The following ITSN1 variants were observed in gnomAD, a reference collection of about 807,000 sequenced individuals.
The protein encoded by ITSN1 is intersectin-1.
A neutral mutation model predicts 239.8 loss-of-function variants in ITSN1; 58 were observed. The ratio of observed to expected loss-of-function variants is 0.24; its 90% confidence interval spans 0.20 to 0.30. The LOEUF is 0.30. Ranked by LOEUF, ITSN1 falls within the 10% of genes least tolerant of loss-of-function variation. The pLI, the probability that ITSN1 is intolerant of heterozygous loss-of-function variation, is 1.00. For missense variants in ITSN1, 1,558 were observed against 2,103.3 expected (o/e 0.74, Z 5.07); for synonymous variants, 780 against 770.8 (o/e 1.01, Z -0.20).
chr21:33,798,391 T>C (rs2071726959), intron 18 of ITSN1, among the ~76,000 whole-genome samples: 1 of 151,966 alleles, frequency 6.6e-6, no homozygotes, highest in Non-Finnish European at 1.5e-5. Context: ...TGAGCCACCA[T>C]GCCTAGCCTA....
At position 33,856,875 on chromosome 21, in the gene ITSN1, G is replaced by A. The variant is rs1284395543; in HGVS notation, c.3783+18G>A. ...TCACAGAGGTAAGGGAGCTGGTGGG[G>A]CAGGGGGCACGGCAGGGGGCGATGA... On this transcript the variant is annotated intron_variant, in intron 30 of 39. Coordinates refer to ENST00000381318, the MANE Select transcript of ITSN1 (RefSeq NM_003024.3). The A allele has an allele frequency of 3.1e-6, 5 of 1,613,192 alleles. No homozygotes were observed. The highest frequency in any genetic ancestry group is 4.2e-6 in the Non-Finnish European group (5 of 1,179,354).
intron 8 of ITSN1, among the ~76,000 whole-genome samples, chr21:33,761,178 C>G (rs977540170): frequency 1.3e-5 from 2 of 151,894 alleles, no homozygotes; most frequent in African/African-American, 4.8e-5. Context: ...GGGGCTCAAG[C>G]GATCCTCCTA....
chr21:33,661,475 C>T (rs2089552924), intron 1 of ITSN1, among the ~76,000 whole-genome samples: 1 of 151,806 alleles, frequency 6.6e-6, no homozygotes, highest in Non-Finnish European at 1.5e-5. Context: ...AGTGAAGAAT[C>T]CAGTGACCAC....
At position 33,797,490 on chromosome 21, in the gene ITSN1, C is replaced by G. The variant is rs1197484458; in HGVS notation, c.2064C>G (p.Val688=). 2 of 1,613,854 alleles carry G rather than the reference C, an allele frequency of 1.2e-6. No individual in the cohort carries two copies. The highest frequency in any genetic ancestry group is 1.7e-6 in the Non-Finnish European group (2 of 1,180,012). The stretch of plus-strand genomic sequence containing the variant: ...AAAAACTGAAAAGGGAGGAGAGTGT[C>G]AAAAAGAAGGATGGCGAGGAAAAAG... ...EEEKLKREES[V]KKKDGEEKGK... is the part of the protein sequence containing the mutation. Residue 688 remains valine, a synonymous_variant, in exon 18 of 40, where the codon GTC becomes GTG. Coordinates refer to ENST00000381318, the MANE Select transcript of ITSN1 (RefSeq NM_003024.3). The surrounding 1 kb of genome is among the most constrained non-coding windows in gnomAD (Gnocchi z 4.9).
intron 16 of ITSN1, among the ~76,000 whole-genome samples, chr21:33,788,201 G>A (rs991664577): frequency 6.6e-6 from 1 of 152,130 alleles, no homozygotes; most frequent in Non-Finnish European, 1.5e-5. Flanking sequence ...ACTTCCCAAA[G>A]CCTCATGGCA....
chr21:33,859,489 C>T (rs1162028415), intron 31 of ITSN1, among the ~76,000 whole-genome samples: 1 of 152,190 alleles, frequency 6.6e-6, no homozygotes, highest in Admixed American at 6.5e-5. Flanking sequence ...ACCACGCTCT[C>T]ATTGTAACAT....
intron 1 of ITSN1, among the ~76,000 whole-genome samples, chr21:33,703,646 G>T (rs537931757): frequency 6.6e-6 from 1 of 152,308 alleles, no homozygotes; most frequent in South Asian, 2.1e-4. Context: ...ACTGGGAAAA[G>T]ACTAAAAGGA....
At chr21:33,653,264 G>A (rs2088715504) in intron 1 of ITSN1, among the ~76,000 whole-genome samples, 1 of 151,984 alleles carries the variant, frequency 6.6e-6, no homozygotes, top group South Asian at 2.1e-4. Flanking sequence ...CAAAGTGCTG[G>A]GATTACAGGC....
chr21:33,817,774 A>G (rs1312054145), intron 22 of ITSN1: 2 of 660,134 alleles, frequency 3.0e-6, no homozygotes, highest in Non-Finnish European at 4.3e-6. Flanking sequence ...CTGAAAAGGA[A>G]CTAAAACAAG....
intron 8 of ITSN1, among the ~76,000 whole-genome samples, chr21:33,759,384 A>C (rs527939596): frequency 6.6e-6 from 1 of 152,344 alleles, no homozygotes; most frequent in South Asian, 2.1e-4. Flanking sequence ...ACTAGAATCC[A>C]AGTCCCCTGA....
intron 7 of ITSN1, 138 bp from the exon 8 acceptor site, chr21:33,755,159 T>A: frequency 2.0e-6 from 1 of 494,164 alleles, no homozygotes. Context: ...AAATCAGAAG[T>A]AGTGATAATA....
At chr21:33,775,140 A>G in intron 14 of ITSN1, 32 bp downstream of exon 14, 4 of 1,591,250 alleles carry the variant, frequency 2.5e-6, no homozygotes, top group Non-Finnish European at 2.6e-6. Flanking sequence ...AAGCTATTAT[A>G]TTAAACTGGC....
At chr21:33,770,218 A>T (rs1483512157) in intron 11 of ITSN1, among the ~76,000 whole-genome samples, 3 of 151,622 alleles carry the variant, frequency 2.0e-5, no homozygotes, top group African/African-American at 7.3e-5. Flanking sequence ...CATGTGCCAT[A>T]ATACCCAGGT....
In ITSN1 at chr21:33,898,922, G is replaced by A. The variant is rs762310023; in HGVS notation, c.*10622G>A. On this transcript the variant is annotated 3_prime_UTR_variant, in exon 40 of 40. Coordinates refer to ENST00000381318, the MANE Select transcript of ITSN1 (RefSeq NM_003024.3). ...ATGAATAATCTGCAAATCACTTAGA[G>A]GCACTGTCCATGTGGTCCATAACTG... 6 of 152,238 alleles carry A rather than the reference G, an allele frequency of 3.9e-5. No individual in the cohort carries two copies. The highest frequency in any genetic ancestry group is 7.3e-5 in the Non-Finnish European group (5 of 68,054). The allele number at this position is 152,238 out of a possible 1,614,324, so 9.4% of individuals were successfully genotyped here. A position where few individuals can be genotyped will look rare whatever the true frequency, so the allele number is the denominator to read the frequency against.
intron 29 of ITSN1, among the ~76,000 whole-genome samples, chr21:33,853,519 G>A (rs1250242618): frequency 1.3e-5 from 2 of 152,206 alleles, no homozygotes; most frequent in Non-Finnish European, 2.9e-5. Flanking sequence ...AAAACTTGAA[G>A]ACTCAGAAGA....
In ITSN1 at chr21:33,826,825, G is replaced by A. The variant is rs778018287; in HGVS notation, c.3191G>A (p.Gly1064Glu). ...YVRLKDSEGS[G>E]TAGKTGSLGK... ...CTTTTGCTCTGTTTTAAGGGCTCTG[G>A]AACTGCTGGGAAAACAGGGAGTTTA... is the stretch of plus-strand genomic sequence containing the variant. The change falls in exon 26 of 40, where the codon GGA becomes GAA. Residue 1064 changes from glycine (G) to glutamate (E), a missense_variant. By Grantham distance (98) the Gly-to-Glu change is moderately conservative (BLOSUM62 -2). Coordinates refer to ENST00000381318, the MANE Select transcript of ITSN1 (RefSeq NM_003024.3). 6.2e-7 allele frequency: 1 copy of A among 1,613,880 alleles called. No homozygotes were observed. Among genetic ancestry groups the A allele is most frequent in the Non-Finnish European group, 8.5e-7 (1 of 1,179,824 alleles).
intron 29 of ITSN1, among the ~76,000 whole-genome samples, chr21:33,839,926 C>T (rs1004662716): frequency 6.6e-6 from 1 of 152,138 alleles, no homozygotes; most frequent in African/African-American, 2.4e-5. Context: ...GACAGTCCCC[C>T]GCAACAAAGA....
At chr21:33,739,774 C>T (rs1027587583) in intron 5 of ITSN1, among the ~76,000 whole-genome samples, 4 of 152,138 alleles carry the variant, frequency 2.6e-5, no homozygotes, top group Non-Finnish European at 4.4e-5. Flanking sequence ...GTGCGAGGGG[C>T]GTCGTAGCTG....
chr21:33,888,069 CA>C, intron 39 of ITSN1, 82 bp from the exon 40 acceptor site: 3 of 1,411,494 alleles, frequency 2.1e-6, no homozygotes, highest in African/African-American at 1.4e-5. Flanking sequence ...AACAGTTCAT[CA>C]GGGGGTCCCC....
Sources: gnomAD v4.1 joint callset for allele counts (sites outside exome capture counted in the v4.1 genomes callset) on GRCh38, gnomAD v4.1.1 for gene constraint, Gnocchi (gnomAD v3.1) non-coding constraint, MANE v1.5 for transcripts, NCBI Gene and HGNC (gene_info 2026-07-23, HGNC 2026-07-21) for gene names.